The following GTF3C1 variants were observed in gnomAD, a reference collection of about 807,000 sequenced individuals.
The protein encoded by GTF3C1 is general transcription factor 3C polypeptide 1.
A neutral mutation model predicts 226.7 loss-of-function variants in GTF3C1; 57 were observed. The ratio of observed to expected loss-of-function variants is 0.25; its 90% CI spans 0.20 to 0.31. The LOEUF (loss-of-function observed/expected upper bound fraction) is 0.31. Ranked by LOEUF, GTF3C1 falls within the 10% of genes least tolerant of loss-of-function variation. GTF3C1 has a pLI of 1.00. For missense variants in GTF3C1, 2,217 were observed against 2,776.1 expected, an observed-to-expected ratio of 0.80 and a Z score of 4.53; for synonymous variants, 1,090 against 1,084.8, an observed-to-expected ratio of 1.00 and a Z score of -0.09.
intron 2 of GTF3C1, 28 bp from the exon 3 acceptor site, chr16:27,538,384 A>G: frequency 7.1e-7 from 1 of 1,406,032 alleles, no homozygotes; most frequent in Non-Finnish European, 9.6e-7. Context: ...TCGCATGAAG[A>G]AATAAGTTTA....
chr16:27,491,385 T>C (rs1009907279), intron 19 of GTF3C1, among the ~76,000 whole-genome samples: 2 of 152,188 alleles, frequency 1.3e-5, no homozygotes, highest in Admixed American at 1.3e-4. Flanking sequence ...TTGCCTTCCG[T>C]AGACCCTCCA....
rs1375620859 is a variant in GTF3C1, at chr16:27,465,485, G to C, written c.5130C>G (p.Thr1710=). 3.1e-6 allele frequency: 5 copies of C among 1,606,920 alleles called. No homozygotes were observed. Among genetic ancestry groups the C allele is most frequent in the Non-Finnish European group, 4.2e-6 (5 of 1,179,456 alleles). Reference sequence around the variant, plus strand: ...TGTTTTCCTGGGGGTTTATCAGCTTGGTGAACGTATCAGGGAGGCAGGAGG... The same window carrying C: ...TGTTTTCCTGGGGGTTTATCAGCTTCGTGAACGTATCAGGGAGGCAGGAGG... The part of the protein sequence containing the change: ...MGTSCLPDTF[T]KLINPQENTC... The change falls in exon 33 of 37, where the codon ACC becomes ACG. Residue 1710 remains threonine, a synonymous_variant. Coordinates refer to ENST00000356183, the MANE Select transcript of GTF3C1 (RefSeq NM_001520.4).
rs766802795 is a variant in GTF3C1, at chr16:27,538,206, C to T, written c.582G>A (p.Gln194=). ...TGAAAGCAGTGGTGTGAAGGTCTCG[C>T]TGGAGCTCCCCTTGCCACCTGGACC... ...LGRSRWQGEL[Q]RDLHTTAFKV... The change falls in exon 3 of 37, where the codon CAG becomes CAA. Residue 194 remains glutamine, a synonymous_variant. Transcript: ENST00000356183. The T allele has an allele frequency of 8.8e-6, 14 of 1,582,916 alleles. No homozygotes were observed. The highest frequency in any genetic ancestry group is 3.4e-6 in the Non-Finnish European group (4 of 1,167,860).
Position 27,484,359 on chromosome 16 carries a change from TCAAA to T in GTF3C1, c.3859-10_3859-7del, listed in dbSNP as rs778656636. The T allele has an allele frequency of 6.2e-7, 1 of 1,600,666 alleles. No individual in the cohort carries two copies. The highest frequency in any genetic ancestry group is 1.7e-5 in the Admixed American group (1 of 59,932). On this transcript the variant is annotated splice_region_variant and splice_polypyrimidine_tract_variant and intron_variant, in intron 24 of 36. Transcript: ENST00000356183. Reference sequence around the variant, plus strand: ...GTGACAAATGGGCCCTTCACCTGGATCAAACACAGAGCCAAGACAAAAAGTCAGT... The same window carrying T: ...GTGACAAATGGGCCCTTCACCTGGATCACAGAGCCAAGACAAAAAGTCAGT...
chr16:27,532,553 C>T (rs753293601), intron 5 of GTF3C1, among the ~76,000 whole-genome samples: 8 of 152,158 alleles, frequency 5.3e-5, no homozygotes, highest in Non-Finnish European at 1.2e-4. Flanking sequence ...GCCTTTCTCC[C>T]TCTCGCGCTC....
intron 27 of GTF3C1, 124 bp downstream of exon 27, chr16:27,480,955 T>G: frequency 1.4e-6 from 1 of 739,798 alleles, no homozygotes; most frequent in South Asian, 1.7e-5. Flanking sequence ...GGAGGGCCAC[T>G]GCAAGGCCAA....
chr16:27,489,064 G>A lies in GTF3C1; in HGVS notation c.3408C>T (p.Tyr1136=). 2 of 1,614,050 alleles carry A rather than the reference G, an allele frequency of 1.2e-6. No homozygotes were observed. Among genetic ancestry groups the A allele is most frequent in the East Asian group, 2.2e-5 (1 of 44,882 alleles). The change falls in exon 21 of 37, where the codon TAC becomes TAT. Residue 1136 remains tyrosine (Y), a synonymous_variant. Transcript: ENST00000356183. The part of the protein sequence containing the change: ...HLKRNWIWTS[Y]IINQAKKENT... ...CCACCTTTTTGGCCTGGTTGATGAT[G>A]TAGCTGGTCCAGATCCAGTTGCGCT...
chr16:27,479,289 T>C (rs368759752), intron 27 of GTF3C1, among the ~76,000 whole-genome samples: 23 of 151,762 alleles, frequency 1.5e-4, no homozygotes, highest in African/African-American at 3.6e-4. Context: ...GTAGCCATAT[T>C]AGGTGTTGGA....
rs372792758 is a variant in GTF3C1 at position 27,502,982 on chromosome 16, G to A, written c.1784C>T (p.Ser595Phe). Residue 595 changes from serine (S) to phenylalanine (F), a missense_variant, in exon 11 of 37, where the codon TCC becomes TTC. By Grantham distance (155) the Ser-to-Phe change is radical. Coordinates refer to ENST00000356183, the MANE Select transcript of GTF3C1 (RefSeq NM_001520.4). ...TGAGCTGTGCCTCCCAGTCTTCAGG[G>A]AACTGCTACTCTCCTAGAACAGAGA... ...RMENPKESSSSLKTGRHSSGQ... is the reference protein window; with the variant it reads ...RMENPKESSSFLKTGRHSSGQ... 6.2e-7 allele frequency: 1 copy of A among 1,612,700 alleles called. No individual in the cohort carries two copies. Among genetic ancestry groups the A allele is most frequent in the South Asian group, 1.1e-5 (1 of 91,030 alleles).
intron 26 of GTF3C1, chr16:27,482,576 G>C (rs950610656): frequency 2.2e-5 from 10 of 456,032 alleles, no homozygotes; most frequent in Non-Finnish European, 4.4e-5. Context: ...CACAAGTCCT[G>C]CCACACACAC....
At chr16:27,499,194 C>T (rs1306236354) in intron 12 of GTF3C1, among the ~76,000 whole-genome samples, 1 of 152,254 alleles carries the variant, frequency 6.6e-6, no homozygotes, top group Non-Finnish European at 1.5e-5. Context: ...CATGGGACTC[C>T]TGCCAGGCAC....
At chr16:27,483,436 T>C (rs745950191) in intron 25 of GTF3C1, 6 of 526,478 alleles carry the variant, frequency 1.1e-5, no homozygotes, top group Admixed American at 2.2e-5. Context: ...GGCTGACCTA[T>C]GTGAAAGTGC....
chr16:27,510,070 G>A (rs540719130), intron 7 of GTF3C1, among the ~76,000 whole-genome samples: 14 of 152,260 alleles, frequency 9.2e-5, no homozygotes, highest in Admixed American at 6.5e-4. Flanking sequence ...CCAGCATGAT[G>A]AAACCTTGTC....
At chr16:27,536,363 C>A (rs1235042921) in intron 4 of GTF3C1, among the ~76,000 whole-genome samples, 1 of 152,100 alleles carries the variant, frequency 6.6e-6, no homozygotes, top group Non-Finnish European at 1.5e-5. Context: ...GAGGCCAAGG[C>A]GGGTGGATCA....
At chr16:27,495,831 A>C (rs1427008535) in intron 14 of GTF3C1, among the ~76,000 whole-genome samples, 1 of 152,224 alleles carries the variant, frequency 6.6e-6, no homozygotes, top group African/African-American at 2.4e-5. Context: ...GCTTGCCTAC[A>C]GGGCAAATGC....
rs1173263125 is a variant in GTF3C1, at chr16:27,486,104, C to T, written c.3751G>A (p.Asp1251Asn). 1.2e-6 allele frequency: 2 copies of T among 1,606,202 alleles called. No homozygotes were observed. The highest frequency in any genetic ancestry group is 1.7e-6 in the Non-Finnish European group (2 of 1,173,140). The stretch of plus-strand genomic sequence containing the variant: ...GTCATCCGCTGCAGGGCACTCTGGT[C>T]GGCTTCATCATGGTAGCGCAGCCTT... ...SKRLRYHDEA[D>N]QSALQRMTRL... Residue 1251 changes from aspartate to asparagine, a missense_variant, in exon 24 of 37, where the codon GAC becomes AAC. By Grantham distance (23) the Asp-to-Asn change is conservative. Coordinates refer to ENST00000356183, the MANE Select transcript of GTF3C1 (RefSeq NM_001520.4).
At chr16:27,510,695 G>A (rs906871339) in intron 7 of GTF3C1, among the ~76,000 whole-genome samples, 1 of 152,210 alleles carries the variant, frequency 6.6e-6, no homozygotes, top group Non-Finnish European at 1.5e-5. Context: ...ATCCCTTGCA[G>A]CCACTTCACC....
intron 6 of GTF3C1, among the ~76,000 whole-genome samples, chr16:27,517,780 C>T (rs954005102): frequency 1.3e-5 from 2 of 152,212 alleles, no homozygotes; most frequent in Admixed American, 1.3e-4. Flanking sequence ...ATTTTACTTA[C>T]TCATCACGTG....
intron 1 of GTF3C1, among the ~76,000 whole-genome samples, chr16:27,547,947 A>C (rs1188697039): frequency 6.6e-6 from 1 of 152,132 alleles, no homozygotes; most frequent in East Asian, 1.9e-4. Flanking sequence ...ATTCCAGTCC[A>C]ATTTGGCTGG....
Sources: allele counts gnomAD v4.1 joint callset (sites outside exome capture counted in the v4.1 genomes callset), GRCh38; gene constraint gnomAD v4.1.1; transcripts MANE v1.5; gene names NCBI Gene and HGNC (gene_info 2026-07-23, HGNC 2026-07-21).